The following PALLD variants were observed in gnomAD, a reference collection of about 807,000 sequenced individuals.
PALLD encodes the protein palladin, cytoskeletal associated protein, also known as palladin.
In PALLD, 61 loss-of-function variants were observed where a neutral mutation model predicts 123.5. That is an observed-to-expected ratio of 0.49 (90% CI 0.40 to 0.61). The LOEUF (loss-of-function observed/expected upper bound fraction) is 0.61. Ranked by LOEUF, PALLD falls within the 20% of genes least tolerant of loss-of-function variation. The pLI, the probability that PALLD is intolerant of heterozygous loss-of-function variation, is 0.00. For synonymous variants in PALLD, 465 were observed against 496.4 expected, an observed-to-expected ratio of 0.94 and a Z score of 0.84; for missense variants, 1,273 against 1,377.0, an observed-to-expected ratio of 0.92 and a Z score of 1.20.
At chr4:168,600,510 A>C (rs946922123) in intron 2 of PALLD, among the ~76,000 whole-genome samples, 3 of 152,102 alleles carry the variant, frequency 2.0e-5, no homozygotes, top group Non-Finnish European at 4.4e-5. Context: ...ATATTTGAGA[A>C]CCCCTGCTTG....
chr4:168,666,196 G>A (rs1779632929), intron 2 of PALLD, among the ~76,000 whole-genome samples: 2 of 152,156 alleles, frequency 1.3e-5, no homozygotes, highest in South Asian at 4.1e-4. Flanking sequence ...TCCCTGTGGA[G>A]TACATCTAAC....
intron 3 of PALLD, among the ~76,000 whole-genome samples, chr4:168,671,189 C>A (rs572738962): frequency 1.7e-4 from 26 of 152,210 alleles, no homozygotes; most frequent in Admixed American, 8.5e-4. Flanking sequence ...TTGAAACCAG[C>A]TGCAGAATCC....
At chr4:168,851,999 C>T (rs1382511390) in intron 10 of PALLD, among the ~76,000 whole-genome samples, 1 of 152,152 alleles carries the variant, frequency 6.6e-6, no homozygotes, top group East Asian at 1.9e-4. Context: ...ACTCTTGATA[C>T]CAGTGGAGTG....
intron 2 of PALLD, among the ~76,000 whole-genome samples, chr4:168,587,737 A>G (rs890234652): frequency 2.7e-4 from 41 of 151,958 alleles, no homozygotes; most frequent in African/African-American, 9.2e-4. Flanking sequence ...ACCTCCTCCC[A>G]TTTTCCACCA....
At chr4:168,594,165 G>A (rs1054200332) in intron 2 of PALLD, among the ~76,000 whole-genome samples, 1 of 152,046 alleles carries the variant, frequency 6.6e-6, no homozygotes, top group Non-Finnish European at 1.5e-5. Context: ...CTTTTTAAAA[G>A]AGGAAAAAAA....
At chr4:168,754,168 A>G (rs1731449596) in intron 10 of PALLD, among the ~76,000 whole-genome samples, 1 of 152,226 alleles carries the variant, frequency 6.6e-6, no homozygotes, top group Non-Finnish European at 1.5e-5. Flanking sequence ...TTTGTTATTT[A>G]GAGAAAATGT....
chr4:168,538,465 A>G (rs1193436421), intron 2 of PALLD, among the ~76,000 whole-genome samples: 6 of 145,104 alleles, frequency 4.1e-5, no homozygotes, highest in Non-Finnish European at 9.0e-5. Context: ...AAATAAAATA[A>G]AATTTTATTT....
At chr4:168,607,176 G>A (rs1334308975) in intron 2 of PALLD, among the ~76,000 whole-genome samples, 1 of 152,056 alleles carries the variant, frequency 6.6e-6, no homozygotes, top group Non-Finnish European at 1.5e-5. Context: ...AGGAGGGAGT[G>A]AAAGGAAGAA....
At chr4:168,585,247 C>A (rs2149668104) in intron 2 of PALLD, among the ~76,000 whole-genome samples, 1 of 152,154 alleles carries the variant, frequency 6.6e-6, no homozygotes, top group African/African-American at 2.4e-5. Flanking sequence ...GTTTAATTCT[C>A]ACAACATCCT....
chr4:168,824,267 ATT>A (rs925891608), intron 10 of PALLD, among the ~76,000 whole-genome samples: 1 of 151,828 alleles, frequency 6.6e-6, no homozygotes, highest in African/African-American at 2.4e-5. Flanking sequence ...CCAGAAATAC[ATT>A]TTTTTATTTT....
chr4:168,631,981 CG>C, intron 2 of PALLD: 5 of 837,036 alleles, frequency 6.0e-6, no homozygotes, highest in Non-Finnish European at 7.2e-6. Flanking sequence ...TGCAAGTACT[CG>C]TGCGAAGAGT....
At chr4:168,786,756 T>C (rs999147876) in intron 10 of PALLD, among the ~76,000 whole-genome samples, 6 of 152,220 alleles carry the variant, frequency 3.9e-5, no homozygotes, top group Non-Finnish European at 8.8e-5. Flanking sequence ...AATTTCAGAA[T>C]ATTATATGCA....
At chr4:168,917,330 G>A (rs1463580921) in intron 17 of PALLD, among the ~76,000 whole-genome samples, 1 of 152,182 alleles carries the variant, frequency 6.6e-6, no homozygotes, top group East Asian at 1.9e-4. Context: ...TTACAGGCAT[G>A]AGCCACCACA....
chr4:168,650,558 G>T (rs114132438), intron 2 of PALLD, among the ~76,000 whole-genome samples: 1 of 152,126 alleles, frequency 6.6e-6, no homozygotes, highest in Non-Finnish European at 1.5e-5. Context: ...GTGTCTTTGT[G>T]TCCTTTTGTG....
chr4:168,896,623 C>G, intron 13 of PALLD, 24 bp downstream of exon 13: 1 of 1,373,864 alleles, frequency 7.3e-7, no homozygotes. Flanking sequence ...CCTTTCTTCT[C>G]CTTCCAGTCT....
chr4:168,873,309 G>A (rs751145831), intron 10 of PALLD, among the ~76,000 whole-genome samples: 2 of 152,162 alleles, frequency 1.3e-5, no homozygotes, highest in Non-Finnish European at 2.9e-5. Flanking sequence ...AGGAGCTTAT[G>A]GTTCAGAGGG....
chr4:168,691,471 C>G (rs1782625001), intron 8 of PALLD, among the ~76,000 whole-genome samples, 179 bp downstream of exon 8: 1 of 152,144 alleles, frequency 6.6e-6, no homozygotes, highest in Admixed American at 6.5e-5. Flanking sequence ...AGTCTGTACA[C>G]TGCATTTTAC....
chr4:168,643,170 C>T (rs1339860880), intron 2 of PALLD, among the ~76,000 whole-genome samples: 1 of 152,070 alleles, frequency 6.6e-6, no homozygotes, highest in Admixed American at 6.6e-5. Flanking sequence ...AATTCTATAC[C>T]CTATCCTTAA....
At chr4:168,556,240 T>C (rs1226436324) in intron 2 of PALLD, among the ~76,000 whole-genome samples, 5 of 152,054 alleles carry the variant, frequency 3.3e-5, no homozygotes, top group Admixed American at 1.3e-4. Context: ...GGACTACAGG[T>C]GCCCACCACC....
Sources: allele counts gnomAD v4.1 joint callset (sites outside exome capture counted in the v4.1 genomes callset), GRCh38; gene constraint gnomAD v4.1.1; transcripts MANE v1.5; gene names NCBI Gene and HGNC (gene_info 2026-07-23, HGNC 2026-07-21).